Variants in NVL observed in about 807,000 individuals in gnomAD.
The protein encoded by NVL is nuclear valosin-containing protein-like.
In NVL, 84 loss-of-function variants were observed where a neutral mutation model predicts 110.2. The observed-to-expected ratio is 0.76, with a 90% CI of 0.64 to 0.91. NVL has a LOEUF of 0.91. Ranked by LOEUF, NVL falls within the 40% of genes least tolerant of loss-of-function variation. The pLI is 0.00. For missense variants in NVL, 882 were observed against 1,035.9 expected (o/e 0.85, Z 2.04); for synonymous variants, 354 against 361.1 (o/e 0.98, Z 0.22).
At chr1:224,286,345 A>G (rs1045006614) in intron 14 of NVL, among the ~76,000 whole-genome samples, 1 of 151,850 alleles carries the variant, frequency 6.6e-6, no homozygotes, top group Non-Finnish European at 1.5e-5. Context: ...AGCTGGGACT[A>G]CAGGCACATG....
chr1:224,265,598 T>C (rs776556768), intron 18 of NVL, among the ~76,000 whole-genome samples: 4 of 152,102 alleles, frequency 2.6e-5, no homozygotes, highest in Non-Finnish European at 5.9e-5. Flanking sequence ...AAACGAAAGA[T>C]TGATGCTGTG....
In NVL at chr1:224,233,213, C is replaced by T. The variant is rs1448872445; in HGVS notation, c.2443G>A (p.Gly815Arg). The T allele has an allele frequency of 2.5e-6, 4 of 1,610,806 alleles. No homozygotes were observed. Among genetic ancestry groups the T allele is most frequent in the Non-Finnish European group, 2.5e-6 (3 of 1,178,838 alleles). The change falls in exon 21 of 23, where the codon GGA (glycine) becomes AGA (arginine). Residue 815 changes from glycine to arginine, a missense_variant. By Grantham distance (125) the Gly-to-Arg change is moderately radical. This residue lies in a region of NVL where 126 missense variants were observed against 140.7 expected (regional missense o/e 0.90). Transcript: ENST00000281701. ...GAGAGAATTGTACCTTTTTCATTTC[C>T]ACTCTTCTGTCTTGCCATTTCCTGT... ...LRQEMARQKSGNEKGELKVSH... is the reference protein window; with the variant it reads ...LRQEMARQKSRNEKGELKVSH...
chr1:224,233,310 T>C, intron 20 of NVL, 21 bp from the exon 21 acceptor site: 1 of 1,573,866 alleles, frequency 6.4e-7, no homozygotes, highest in African/African-American at 1.4e-5. Flanking sequence ...ATAATAGTTA[T>C]CTACTTATTC....
chr1:224,237,811 C>T (rs558421407), intron 19 of NVL, among the ~76,000 whole-genome samples: 276 of 149,458 alleles, frequency 1.8e-3, no homozygotes, highest in African/African-American at 6.1e-3. Flanking sequence ...CTCCTAGGAG[C>T]GATGGGGTGG....
chr1:224,317,993 A>T, intron 2 of NVL, 63 bp from the exon 3 acceptor site: 1 of 1,092,016 alleles, frequency 9.2e-7, no homozygotes, highest in Non-Finnish European at 1.3e-6. Flanking sequence ...CATTAAGTTC[A>T]ATCTAAATGG....
chr1:224,295,017 T>C (rs895924827), intron 11 of NVL, among the ~76,000 whole-genome samples: 20 of 152,326 alleles, frequency 1.3e-4, no homozygotes, highest in Non-Finnish European at 1.9e-4. Context: ...TCTGGCTTAA[T>C]CTAGGAATGT....
At chr1:224,279,098 G>GAA (rs201413420) in intron 16 of NVL, among the ~76,000 whole-genome samples, 1 of 151,702 alleles carries the variant, frequency 6.6e-6, no homozygotes, top group African/African-American at 2.4e-5. Context: ...ACCCTAAGGG[G>GAA]AAAAAAATCT....
intron 16 of NVL, among the ~76,000 whole-genome samples, chr1:224,280,203 T>C (rs1261290028): frequency 6.7e-6 from 1 of 148,888 alleles, no homozygotes; most frequent in Non-Finnish European, 1.5e-5. Flanking sequence ...TGCTGGGTGA[T>C]AGATACATAG....
chr1:224,262,085 T>G (rs1290395977), intron 18 of NVL, among the ~76,000 whole-genome samples: 1 of 151,714 alleles, frequency 6.6e-6, no homozygotes, highest in Non-Finnish European at 1.5e-5. Flanking sequence ...CCTCAATAAT[T>G]GGGAAAAAAA....
In NVL at chr1:224,298,446, C is replaced by T. The variant is rs186519967; in HGVS notation, c.1063-1828G>A. The T allele has an allele frequency of 3.1e-5, 5 of 162,538 alleles. No individual in the cohort carries two copies. In the East Asian group the frequency reaches 5.2e-4, roughly 17 times the overall value. The allele number at this position is 162,538 out of a possible 1,614,324, so 10.1% of individuals were successfully genotyped here. A position where few individuals can be genotyped will look rare whatever the true frequency, so the allele number is the denominator to read the frequency against. On this transcript the variant is annotated intron_variant, in intron 10 of 22. Transcript: ENST00000281701. ...TGAGCACATTAAGCATTCTAGGAGCCGAGGTAGCTTTCTGAAACACATGGA... is the reference window on the plus strand; with the variant it reads ...TGAGCACATTAAGCATTCTAGGAGCTGAGGTAGCTTTCTGAAACACATGGA...
At chr1:224,231,198 T>C (rs1163674768) in intron 22 of NVL, 28 bp downstream of exon 22, 7 of 1,516,320 alleles carry the variant, frequency 4.6e-6, no homozygotes, top group Non-Finnish European at 6.4e-6. Flanking sequence ...TAGTTTCCTT[T>C]CTCTATGCAT....
intron 20 of NVL, among the ~76,000 whole-genome samples, chr1:224,235,139 G>A (rs1660318600): frequency 6.6e-6 from 1 of 151,802 alleles, no homozygotes; most frequent in Non-Finnish European, 1.5e-5. Context: ...AGTCTCCTAA[G>A]CATAAGGCCA....
At chr1:224,251,455 T>C (rs1662496092) in intron 18 of NVL, among the ~76,000 whole-genome samples, 1 of 152,030 alleles carries the variant, frequency 6.6e-6, no homozygotes, top group Admixed American at 6.6e-5. Flanking sequence ...CTGGCCAACA[T>C]GGTGAAACCC....
At chr1:224,231,087 C>G in intron 22 of NVL, 139 bp downstream of exon 22, 1 of 580,332 alleles carries the variant, frequency 1.7e-6, no homozygotes, top group Admixed American at 2.7e-5. Context: ...GAGCAGAGAT[C>G]GCACCACTGC....
At chr1:224,320,511 G>A (rs958296129) in intron 2 of NVL, among the ~76,000 whole-genome samples, 1 of 152,146 alleles carries the variant, frequency 6.6e-6, no homozygotes, top group Non-Finnish European at 1.5e-5. Flanking sequence ...GCCAGGCATG[G>A]TGGTGGGTGC....
chr1:224,237,010 T>C lies in NVL; in HGVS notation c.2290-428A>G, dbSNP rs997731944. Among the ~76,000 whole-genome samples, 4 of 152,232 alleles carry C rather than the reference T, an allele frequency of 2.6e-5. No homozygotes were observed. In the East Asian group the frequency reaches 5.8e-4, roughly 22 times the overall value. ...TCCAGACTGGTGCTGTTAAGGTTTA[T>C]ACAAATTTCAATGTTGAGAAATGAG... On this transcript the variant is annotated intron_variant, in intron 19 of 22. Coordinates refer to ENST00000281701, the MANE Select transcript of NVL (RefSeq NM_002533.4).
At chr1:224,253,868 T>G (rs1662836497) in intron 18 of NVL, among the ~76,000 whole-genome samples, 1 of 152,148 alleles carries the variant, frequency 6.6e-6, no homozygotes, top group Non-Finnish European at 1.5e-5. Flanking sequence ...GCACAGCCAG[T>G]CTTTTCAATC....
At chr1:224,237,881 GAGGTGGAGGCTGT>G (rs973881395) in intron 19 of NVL, among the ~76,000 whole-genome samples, 4 of 150,980 alleles carry the variant, frequency 2.6e-5, no homozygotes, top group African/African-American at 9.8e-5. Flanking sequence ...TGGAACCCGG[GAGGTGGAGGCTGT>G]AGTAAGCCAT....
intron 2 of NVL, among the ~76,000 whole-genome samples, chr1:224,324,531 C>T (rs1041218763): frequency 2.0e-5 from 3 of 152,194 alleles, no homozygotes; most frequent in African/African-American, 7.2e-5. Context: ...TGGGCTCAAG[C>T]GATCCTCCCA....
Sources: allele counts gnomAD v4.1 joint callset (sites outside exome capture counted in the v4.1 genomes callset), GRCh38; gene constraint gnomAD v4.1.1; regional missense constraint gnomAD v4.1.1; transcripts MANE v1.5; gene names NCBI Gene and HGNC (gene_info 2026-07-23, HGNC 2026-07-21).